Variants in SEC22C observed in about 807,000 individuals in gnomAD.
The protein encoded by SEC22C is SEC22 homolog C, vesicle trafficking protein, also known as vesicle-trafficking protein SEC22c.
A neutral mutation model predicts 34.7 loss-of-function variants in SEC22C; 29 were observed. The observed-to-expected ratio is 0.84, with a 90% CI of 0.62 to 1.14. The LOEUF is 1.14. Among genes scored for constraint, SEC22C ranks in the 50% most tolerant of loss-of-function variants. The probability of loss-of-function intolerance (pLI) is 0.00; values close to 1 mark genes in which losing one functional copy is unlikely to be tolerated. For synonymous variants in SEC22C, 117 were observed against 132.8 expected, an observed-to-expected ratio of 0.88 and a Z score of 0.82; for missense variants, 337 against 369.0, an observed-to-expected ratio of 0.91 and a Z score of 0.71.
Position 42,552,939 on chromosome 3 carries a change from A to G in SEC22C, c.*309T>C. The stretch of plus-strand genomic sequence containing the variant: ...GTGGTTTACTGTATCATTCAACTTA[A>G]AAGACCAAAATATTTCCTTTCTCTC... On this transcript the variant is annotated 3_prime_UTR_variant, in exon 7 of 7. Transcript: ENST00000264454. 8.8e-7 allele frequency: 1 copy of G among 1,137,188 alleles called. No homozygotes were observed. The highest frequency in any genetic ancestry group is 1.1e-6 in the Non-Finnish European group (1 of 923,552). 70.4% of individuals were successfully genotyped at this position (1,137,188 alleles called of 1,614,324 possible).
intron 6 of SEC22C, among the ~76,000 whole-genome samples, 175 bp from the exon 7 acceptor site, chr3:42,553,623 C>T (rs3774398): frequency 0.45 from 68,398 of 151,954 alleles, 17,901 homozygotes; most frequent in African/African-American, 0.72. Flanking sequence ...AATTATTGGA[C>T]GAAAGTGAGG....
At chr3:42,575,296 T>A (rs1232530800) in intron 1 of SEC22C, among the ~76,000 whole-genome samples, 1 of 152,172 alleles carries the variant, frequency 6.6e-6, no homozygotes, top group Non-Finnish European at 1.5e-5. Context: ...AATGATTACA[T>A]TAAATGTAAA....
chr3:42,573,822 G>A (rs1703792256), intron 1 of SEC22C, among the ~76,000 whole-genome samples: 1 of 152,144 alleles, frequency 6.6e-6, no homozygotes, highest in Non-Finnish European at 1.5e-5. Flanking sequence ...GAACTAGATT[G>A]AAAAATATTT....
intron 1 of SEC22C, chr3:42,591,433 T>C (rs1577373929): frequency 2.2e-6 from 2 of 891,608 alleles, no homozygotes; most frequent in African/African-American, 3.3e-5. Context: ...GACCTCGTGA[T>C]CCGCCTAGAT....
intron 1 of SEC22C, among the ~76,000 whole-genome samples, chr3:42,593,430 AT>A (rs1274631632): frequency 1.3e-5 from 2 of 152,192 alleles, no homozygotes. Context: ...AAATAAATAA[AT>A]TAAAGTATAT....
intron 1 of SEC22C, 89 bp from the exon 2 acceptor site, chr3:42,569,162 T>C: frequency 2.6e-6 from 2 of 773,786 alleles, no homozygotes; most frequent in Non-Finnish European, 4.2e-6. Flanking sequence ...CTAGGGTTTT[T>C]CACCCTCATT....
Position 42,551,284 on chromosome 3 carries a change from G to C in SEC22C, c.*1964C>G. ...GGTATGCAGAAAATTATGCAGATGT[G>C]AAATCAGTGTAGAGACAACTTTGGA... On this transcript the variant is annotated 3_prime_UTR_variant, in exon 7 of 7. Transcript: ENST00000264454. 1.0e-6 allele frequency: 1 copy of C among 985,398 alleles called. No homozygotes were observed. Among genetic ancestry groups the C allele is most frequent in the Non-Finnish European group, 1.2e-6 (1 of 829,922 alleles). 61.0% of individuals were successfully genotyped at this position (985,398 alleles called of 1,614,324 possible). A position where few individuals can be genotyped will look rare whatever the true frequency, so the allele number is the denominator to read the frequency against.
intron 1 of SEC22C, among the ~76,000 whole-genome samples, chr3:42,588,051 C>T (rs1704681868): frequency 6.6e-6 from 1 of 151,232 alleles, no homozygotes; most frequent in Non-Finnish European, 1.5e-5. Context: ...CCAGCCTGGG[C>T]AACAAGAGTG....
chr3:42,564,168 A>T (rs1171844358), intron 2 of SEC22C: 8 of 308,572 alleles, frequency 2.6e-5, no homozygotes, highest in Non-Finnish European at 1.9e-5. Context: ...AGACTGGCCT[A>T]TAATTTTCCT....
intron 1 of SEC22C, among the ~76,000 whole-genome samples, chr3:42,574,792 A>C (rs1179152021): frequency 6.6e-6 from 1 of 152,200 alleles, no homozygotes; most frequent in Non-Finnish European, 1.5e-5. Flanking sequence ...ACAAAGAGAT[A>C]TACTAAAAAA....
rs1702106821 is a variant in SEC22C at position 42,548,800 on chromosome 3, T to C, written c.*4448A>G. 2.0e-6 allele frequency: 3 copies of C among 1,475,898 alleles called. No individual in the cohort carries two copies. Among genetic ancestry groups the C allele is most frequent in the Non-Finnish European group, 2.7e-6 (3 of 1,110,236 alleles). The allele number at this position is 1,475,898 out of a possible 1,614,324, so 91.4% of individuals were successfully genotyped here. A position where few individuals can be genotyped will look rare whatever the true frequency, so the allele number is the denominator to read the frequency against. On this transcript the variant is annotated 3_prime_UTR_variant, in exon 7 of 7. Transcript: ENST00000264454. The stretch of plus-strand genomic sequence containing the variant: ...ACTGTAGTATAACAAAATGCCTTTT[T>C]GTAAAGGCCAGAAGAAATGGCTGTG...
At chr3:42,598,822 T>C (rs1705125971) in intron 1 of SEC22C, among the ~76,000 whole-genome samples, 1 of 151,370 alleles carries the variant, frequency 6.6e-6, no homozygotes, top group African/African-American at 2.4e-5. Flanking sequence ...TGGGAGGTAC[T>C]GAGGGTTGTA....
chr3:42,549,201 T>A lies in SEC22C; in HGVS notation c.*4047A>T. 1 of 986,696 alleles carries A rather than the reference T, an allele frequency of 1.0e-6. No homozygotes were observed. The highest frequency in any genetic ancestry group is 1.2e-6 in the Non-Finnish European group (1 of 830,760). 61.1% of individuals were successfully genotyped at this position (986,696 alleles called of 1,614,324 possible). Reference sequence around the variant, plus strand: ...CTGTGCAATATTCTACACGAAAACATTTGGAATGTGAGCAATGTCTGAACA... The same window carrying A: ...CTGTGCAATATTCTACACGAAAACAATTGGAATGTGAGCAATGTCTGAACA... On this transcript the variant is annotated 3_prime_UTR_variant, in exon 7 of 7. Transcript: ENST00000264454.
chr3:42,582,336 C>A (rs577479280), upstream of SEC22C: 5 of 152,470 alleles, frequency 3.3e-5, no homozygotes, highest in African/African-American at 1.2e-4. Flanking sequence ...GTGATAACGC[C>A]CGGGGCGTAT....
intron 4 of SEC22C, among the ~76,000 whole-genome samples, chr3:42,559,664 T>C (rs1210756859): frequency 6.6e-6 from 1 of 152,232 alleles, no homozygotes; most frequent in Non-Finnish European, 1.5e-5. Flanking sequence ...AAAAACAAAG[T>C]AATTAAGACT....
intron 2 of SEC22C, 81 bp downstream of exon 2, chr3:42,568,783 TC>T (rs1703423745): frequency 8.8e-7 from 1 of 1,130,922 alleles, no homozygotes; most frequent in South Asian, 1.4e-5. Context: ...CACAATGTGA[TC>T]AGCATAAGAT....
At chr3:42,563,423 C>G (rs1376575400) in intron 3 of SEC22C, 100 bp downstream of exon 3, 1 of 923,586 alleles carries the variant, frequency 1.1e-6, no homozygotes, top group African/African-American at 1.7e-5. Context: ...TTTTGCATCT[C>G]CAGTGGTTTT....
intron 3 of SEC22C, among the ~76,000 whole-genome samples, chr3:42,562,282 G>A (rs183106111): frequency 1.3e-5 from 2 of 152,360 alleles, no homozygotes; most frequent in Admixed American, 1.3e-4. Context: ...GAAGGCACAT[G>A]CAGAGATAAG....
chr3:42,575,201 G>C (rs1164930220), intron 1 of SEC22C, among the ~76,000 whole-genome samples: 1 of 152,026 alleles, frequency 6.6e-6, no homozygotes, highest in East Asian at 1.9e-4. Flanking sequence ...TCAAGGAAAA[G>C]AAAACAGAGA....
Sources: allele counts gnomAD v4.1 joint callset (sites outside exome capture counted in the v4.1 genomes callset), GRCh38; gene constraint gnomAD v4.1.1; transcripts MANE v1.5; gene names NCBI Gene and HGNC (gene_info 2026-07-23, HGNC 2026-07-21).